C2CD3: variants seen among roughly 807,000 people sequenced by gnomAD.
C2CD3 encodes the protein C2 domain containing 3 centriole elongation regulator, also known as C2 domain-containing protein 3.
C2CD3 carries 148 observed loss-of-function variants against 234.0 expected under a neutral mutation model. The observed-to-expected ratio is 0.63, with a 90% confidence interval of 0.55 to 0.72. The LOEUF (loss-of-function observed/expected upper bound fraction) is 0.72, where lower values mean the gene tolerates loss of function less well. Ranked by LOEUF, C2CD3 falls within the 30% of genes least tolerant of loss-of-function variation. C2CD3 has a pLI of 0.00. For missense variants in C2CD3, 2,577 were observed against 2,811.5 expected (o/e 0.92, Z 1.89); for synonymous variants, 1,000 against 1,035.4 (o/e 0.97, Z 0.66).
In C2CD3 at chr11:74,033,431, TC is replaced by T. The variant is rs1952600793; in HGVS notation, c.6728del (p.Gly2243AspfsTer14). On this transcript the variant is annotated frameshift_variant, in exon 31 of 33. Transcript: ENST00000334126. LOFTEE classifies it high-confidence loss of function. Reference sequence around the variant, plus strand: ...TGATGTCAGAGGAGTCGATGGGTGGTCCCTTATGGTTTTCCCTTCTGCTCTG... The same window carrying T: ...TGATGTCAGAGGAGTCGATGGGTGGTCCTTATGGTTTTCCCTTCTGCTCTG... ...ASQSRRENHK[G>X]PPIDSSDIRQ... The T allele has an allele frequency of 6.5e-7, 1 of 1,536,122 alleles. No homozygotes were observed. The highest frequency in any genetic ancestry group is 2.4e-5 in the East Asian group (1 of 40,924).
chr11:74,093,755 A>T (rs776044478), intron 18 of C2CD3, 61 bp downstream of exon 18: 462 of 1,353,802 alleles, frequency 3.4e-4, no homozygotes, highest in Non-Finnish European at 4.6e-4. Flanking sequence ...GGTTAGGAGT[A>T]GGATGCTTTA....
At chr11:74,154,968 A>G (rs1855917100) in intron 3 of C2CD3, among the ~76,000 whole-genome samples, 1 of 152,240 alleles carries the variant, frequency 6.6e-6, no homozygotes, top group Non-Finnish European at 1.5e-5. Flanking sequence ...AACACCTTCA[A>G]TTTTAAGAAC....
rs1952386124 is a variant in C2CD3 at position 74,028,278 on chromosome 11, TTC to T, written c.6921+7_6921+8del. 6.5e-7 allele frequency: 1 copy of T among 1,527,864 alleles called. No individual in the cohort carries two copies. Among genetic ancestry groups the T allele is most frequent in the East Asian group, 2.4e-5 (1 of 40,876 alleles). The allele number at this position is 1,527,864 out of a possible 1,614,324, so 94.6% of individuals were successfully genotyped here. A position where few individuals can be genotyped will look rare whatever the true frequency, so the allele number is the denominator to read the frequency against. ...CTATAGAAGAAAGGTCAGTTGGCCATTCTCTTACCTGATCTGTTGTGGCTGCT... is the reference window on the plus strand; with the variant it reads ...CTATAGAAGAAAGGTCAGTTGGCCATTCTTACCTGATCTGTTGTGGCTGCT... On this transcript the variant is annotated splice_region_variant and intron_variant, in intron 32 of 32. Transcript: ENST00000334126.
intron 29 of C2CD3, among the ~76,000 whole-genome samples, chr11:74,040,912 A>G (rs1441511158): frequency 2.0e-5 from 3 of 150,400 alleles, no homozygotes; most frequent in African/African-American, 7.3e-5. Context: ...ACACACGCAC[A>G]CACACACACA....
At chr11:74,166,707 T>C (rs1438720577) in intron 2 of C2CD3, among the ~76,000 whole-genome samples, 4 of 152,186 alleles carry the variant, frequency 2.6e-5, no homozygotes, top group African/African-American at 7.2e-5. Flanking sequence ...GTCAGTTTTG[T>C]TTTCAACTAA....
In C2CD3 at chr11:74,078,225, T is replaced by C; in HGVS notation, c.4493A>G (p.Tyr1498Cys). ...ERLEIQVWRA[Y>C]GNDSVERPHQ... The stretch of plus-strand genomic sequence containing the variant: ...GGGTCTCTCCACACTGTCATTGCCA[T>C]AAGCTCGCCACACTTGGATCTCTAG... Residue 1498 changes from tyrosine (Y) to cysteine (C), a missense_variant, in exon 23 of 33, where the codon TAT (tyrosine) becomes TGT (cysteine). Transcript: ENST00000334126. 6.2e-7 allele frequency: 1 copy of C among 1,614,118 alleles called. No homozygotes were observed. Among genetic ancestry groups the C allele is most frequent in the Non-Finnish European group, 8.5e-7 (1 of 1,180,002 alleles).
chr11:74,108,310 C>T (rs1194591896), intron 12 of C2CD3, among the ~76,000 whole-genome samples: 1 of 151,838 alleles, frequency 6.6e-6, no homozygotes, highest in Non-Finnish European at 1.5e-5. Flanking sequence ...TCAAAAAGGA[C>T]CTGTATTGTA....
intron 20 of C2CD3, among the ~76,000 whole-genome samples, chr11:74,090,319 A>G (rs1361746185): frequency 6.6e-6 from 1 of 152,162 alleles, no homozygotes; most frequent in African/African-American, 2.4e-5. Flanking sequence ...ACTTGAGGTC[A>G]GGAGTTCGAG....
intron 19 of C2CD3, 105 bp from the exon 20 acceptor site, chr11:74,091,041 C>T (rs1008073465): frequency 3.6e-5 from 41 of 1,126,946 alleles, no homozygotes; most frequent in Middle Eastern, 2.5e-4. Flanking sequence ...AACACTACAA[C>T]GAACAATAAG....
intron 30 of C2CD3, chr11:74,036,567 C>A (rs541374346): frequency 1.1e-5 from 5 of 454,228 alleles, no homozygotes; most frequent in Non-Finnish European, 2.2e-5. Flanking sequence ...GAAAATTGAA[C>A]TTCTTCATCC....
intron 32 of C2CD3, among the ~76,000 whole-genome samples, chr11:74,017,115 C>G (rs562427604): frequency 6.6e-6 from 1 of 152,144 alleles, no homozygotes; most frequent in Non-Finnish European, 1.5e-5. Flanking sequence ...GTATGGAGAA[C>G]AGCCAAGACA....
Position 74,057,426 on chromosome 11 carries a change from C to G in C2CD3, c.5070G>C (p.Trp1690Cys), listed in dbSNP as rs1425913385. Residue 1690 changes from tryptophan (W) to cysteine (C), a missense_variant, in exon 25 of 33, where the codon TGG becomes TGC. Physicochemically the swap from Trp to Cys is radical, Grantham distance 215. Coordinates refer to ENST00000334126, the MANE Select transcript of C2CD3 (RefSeq NM_001286577.2). ...CAAACCTTGACTGCTGTTGAAAATT[C>G]CAGATGGGGGAATCTGTGTTTTCAA... is the stretch of plus-strand genomic sequence containing the variant. The part of the protein sequence containing the change: ...QVVENTDSPI[W>C]NFQQQSRLSK... 8 of 1,614,024 alleles carry G rather than the reference C, an allele frequency of 5.0e-6. No individual in the cohort carries two copies. Among genetic ancestry groups the G allele is most frequent in the Non-Finnish European group, 6.8e-6 (8 of 1,180,008 alleles).
rs1438051454 is a variant in C2CD3 at position 74,113,837 on chromosome 11, T to G, written c.1786A>C (p.Lys596Gln). The G allele has an allele frequency of 1.9e-6, 3 of 1,610,128 alleles. No homozygotes were observed. The highest frequency in any genetic ancestry group is 1.7e-5 in the Admixed American group (1 of 59,314). The change falls in exon 11 of 33, where the codon AAG becomes CAG. Residue 596 changes from lysine to glutamine, a missense_variant. Coordinates refer to ENST00000334126, the MANE Select transcript of C2CD3 (RefSeq NM_001286577.2). ...ACAACCTCAGTGATCAAAGCTGTCT[T>G]TCCCAATCCGCTTTCCGAAAAGCCC... ...PVGFSESGLG[K>Q]TALITEVVRL...
At chr11:74,139,475 A>G in intron 4 of C2CD3, 130 bp downstream of exon 4, 4 of 755,096 alleles carry the variant, frequency 5.3e-6, no homozygotes. Context: ...GGTGCTTCAC[A>G]GTTATCTGCT....
At chr11:74,077,801 A>G (rs866714024) in intron 23 of C2CD3, among the ~76,000 whole-genome samples, 298 of 11,622 alleles carry the variant, frequency 0.026, 10 homozygotes, top group African/African-American at 0.11. Flanking sequence ...ATATATATAT[A>G]TATATATATA....
chr11:74,063,425 C>T (rs1310655133), intron 24 of C2CD3, among the ~76,000 whole-genome samples: 4 of 150,696 alleles, frequency 2.7e-5, no homozygotes, highest in Admixed American at 2.7e-4. Context: ...AAAAGCTTAT[C>T]CACCATGATC....
chr11:74,108,922 T>C (rs1418416573), intron 12 of C2CD3, 112 bp downstream of exon 12: 3 of 578,286 alleles, frequency 5.2e-6, no homozygotes, highest in African/African-American at 2.0e-5. Flanking sequence ...AACAATGGAT[T>C]ATTAGTACTG....
chr11:74,168,213 TA>T, intron 2 of C2CD3, 130 bp downstream of exon 2: 1 of 730,298 alleles, frequency 1.4e-6, no homozygotes. Flanking sequence ...ATGTCTACTA[TA>T]AAAACTCTTT....
chr11:74,062,432 C>T (rs1411384538), intron 24 of C2CD3, among the ~76,000 whole-genome samples: 1 of 152,198 alleles, frequency 6.6e-6, no homozygotes, highest in African/African-American at 2.4e-5. Context: ...GTCTCTCAGA[C>T]CACAGTGCAA....
Sources: allele counts gnomAD v4.1 joint callset (sites outside exome capture counted in the v4.1 genomes callset), GRCh38; gene constraint gnomAD v4.1.1; transcripts MANE v1.5; gene names NCBI Gene and HGNC (gene_info 2026-07-23, HGNC 2026-07-21).